CAV1: variants seen among roughly 807,000 people sequenced by gnomAD.
CAV1 encodes the protein caveolin-1.
Under a neutral mutation model 16.5 loss-of-function variants are expected in CAV1, and 10 were observed. The observed-to-expected ratio is 0.61, with a 90% CI of 0.37 to 1.03. CAV1 has a LOEUF of 1.03. CAV1 is among the 50% of genes least tolerant of loss of function. The probability of loss-of-function intolerance (pLI) is 0.01; values close to 1 mark genes in which losing one functional copy is unlikely to be tolerated. For missense variants in CAV1, 212 were observed against 232.8 expected, an observed-to-expected ratio of 0.91 and a Z score of 0.58; for synonymous variants, 76 against 85.1, an observed-to-expected ratio of 0.89 and a Z score of 0.59.
At chr7:116,546,948 G>T (rs1244561643) in intron 2 of CAV1, among the ~76,000 whole-genome samples, 3 of 152,148 alleles carry the variant, frequency 2.0e-5, no homozygotes, top group African/African-American at 7.2e-5. Context: ...GAAGCCTATA[G>T]GGAAGGCCTT....
Position 116,555,517 on chromosome 7 carries a change from A to AG in CAV1, c.196-3429_196-3428insG, listed in dbSNP as rs1794255544. Among the ~76,000 whole-genome samples, 5 of 11,254 alleles carry AG rather than the reference A, an allele frequency of 4.4e-4. 1 individual carries two copies. Among genetic ancestry groups the AG allele is most frequent in the Non-Finnish European group, 6.9e-4 (4 of 5,794 alleles). The allele number at this position is 11,254 out of a possible 152,430, so 7.4% of individuals were successfully genotyped here. On this transcript the variant is annotated intron_variant, in intron 2 of 2. Coordinates refer to ENST00000341049, the MANE Select transcript of CAV1 (RefSeq NM_001753.5). ...GAAAGAAAGAAAGAAAGAAAGAAAG[A>AG]AAGAGAGAGAGAGAGAGAGAGAGAG...
intron 2 of CAV1, among the ~76,000 whole-genome samples, chr7:116,530,314 C>T (rs1326327896): frequency 6.7e-6 from 1 of 149,940 alleles, no homozygotes; most frequent in Non-Finnish European, 1.5e-5. Flanking sequence ...TTTTCACTTC[C>T]CCCTTTTAAC....
intron 2 of CAV1, among the ~76,000 whole-genome samples, chr7:116,544,375 A>G (rs1035110944): frequency 6.6e-5 from 10 of 152,210 alleles, no homozygotes; most frequent in African/African-American, 2.4e-4. Flanking sequence ...TCACTAATTC[A>G]TTCATTTATT....
chr7:116,546,434 A>T (rs1794047614), intron 2 of CAV1, among the ~76,000 whole-genome samples: 1 of 152,104 alleles, frequency 6.6e-6, no homozygotes, highest in South Asian at 2.1e-4. Context: ...TCATGCCTGT[A>T]ATCCCAGCAA....
chr7:116,534,617 G>A (rs1793770188), intron 2 of CAV1, among the ~76,000 whole-genome samples: 1 of 150,932 alleles, frequency 6.6e-6, no homozygotes, highest in South Asian at 2.1e-4. Flanking sequence ...AGCCAGGATG[G>A]TCTCAATCTC....
intron 1 of CAV1, 39 bp downstream of exon 1, chr7:116,525,131 G>C: frequency 6.2e-7 from 1 of 1,614,158 alleles, no homozygotes; most frequent in Non-Finnish European, 8.5e-7. Flanking sequence ...GGGCGTGCGG[G>C]GAGTGTCCGC....
At chr7:116,541,505 C>T (rs1001118960) in intron 2 of CAV1, among the ~76,000 whole-genome samples, 1 of 152,268 alleles carries the variant, frequency 6.6e-6, no homozygotes, top group East Asian at 1.9e-4. Flanking sequence ...AATCCCAGCA[C>T]TTTGGGAGGC....
At chr7:116,555,476 G>GA (rs372872878) in intron 2 of CAV1, among the ~76,000 whole-genome samples, 5,957 of 36,162 alleles carry the variant, frequency 0.16, 2,101 homozygotes, top group East Asian at 0.23. Flanking sequence ...AGGAAGGAAG[G>GA]AGGAAAGAAA....
intron 2 of CAV1, among the ~76,000 whole-genome samples, chr7:116,553,616 G>A (rs375823058): frequency 3.9e-5 from 6 of 152,040 alleles, no homozygotes; most frequent in African/African-American, 1.4e-4. Flanking sequence ...GAAACTAATG[G>A]CACCTACACC....
At position 116,560,596 on chromosome 7, in the gene CAV1, A is replaced by G. The variant is rs1299654306; in HGVS notation, c.*1309A>G. 2 of 152,504 alleles carry G rather than the reference A, an allele frequency of 1.3e-5. No individual in the cohort carries two copies. Among genetic ancestry groups the G allele is most frequent in the Admixed American group, 6.5e-5 (1 of 15,282 alleles). The allele number at this position is 152,504 out of a possible 1,614,324, so 9.4% of individuals were successfully genotyped here. A position where few individuals can be genotyped will look rare whatever the true frequency, so the allele number is the denominator to read the frequency against. Reference sequence around the variant, plus strand: ...AAAAAGATTGAAGTATTTTGCTGGAATAAGTTCAAATTCTTCTGAACTCAA... The same window carrying G: ...AAAAAGATTGAAGTATTTTGCTGGAGTAAGTTCAAATTCTTCTGAACTCAA... On this transcript the variant is annotated 3_prime_UTR_variant, in exon 3 of 3. Transcript: ENST00000341049.
intron 2 of CAV1, among the ~76,000 whole-genome samples, chr7:116,536,044 G>A (rs759325581): frequency 1.4e-4 from 22 of 152,194 alleles, no homozygotes; most frequent in Non-Finnish European, 2.8e-4. Flanking sequence ...AAAAAGGTAA[G>A]TTGTGTCTAG....
chr7:116,559,535 G>C lies in CAV1; in HGVS notation c.*248G>C, dbSNP rs1584788606. ...TTCCTTACCTTTTTATTTGCATGTG[G>C]ATCAACCATCGCTTTATTGGCTGAG... On this transcript the variant is annotated 3_prime_UTR_variant, in exon 3 of 3. Coordinates refer to ENST00000341049, the MANE Select transcript of CAV1 (RefSeq NM_001753.5). 1.7e-6 allele frequency: 1 copy of C among 596,600 alleles called. No homozygotes were observed. Among genetic ancestry groups the C allele is most frequent in the African/African-American group, 1.9e-5 (1 of 53,518 alleles). 37.0% of individuals were successfully genotyped at this position (596,600 alleles called of 1,614,324 possible).
intron 2 of CAV1, 41 bp from the exon 3 acceptor site, chr7:116,558,905 C>A (rs749879068): frequency 1.4e-6 from 2 of 1,459,014 alleles, no homozygotes. Flanking sequence ...TTTCTCTTTT[C>A]TTCTATTCTG....
At chr7:116,536,730 G>A (rs571886896) in intron 2 of CAV1, among the ~76,000 whole-genome samples, 72 of 152,316 alleles carry the variant, frequency 4.7e-4, no homozygotes, top group African/African-American at 1.5e-3. Context: ...AAGGCCGGGC[G>A]CGGTGGCTCA....
At chr7:116,552,821 C>T (rs1794190395) in intron 2 of CAV1, among the ~76,000 whole-genome samples, 1 of 152,202 alleles carries the variant, frequency 6.6e-6, no homozygotes, top group Non-Finnish European at 1.5e-5. Context: ...ACCAATCACT[C>T]ACCAAGAAGA....
intron 1 of CAV1, 137 bp from the exon 2 acceptor site, chr7:116,526,388 G>T (rs998879466): frequency 2.3e-5 from 36 of 1,534,346 alleles, no homozygotes; most frequent in Non-Finnish European, 3.1e-5. Context: ...CTGTCGGAGC[G>T]GTTAGTTCGA....
chr7:116,557,562 A>C (rs1020243152), intron 2 of CAV1, among the ~76,000 whole-genome samples: 1 of 152,148 alleles, frequency 6.6e-6, no homozygotes, highest in African/African-American at 2.4e-5. Flanking sequence ...TTACAGAGGG[A>C]TAAAACTTCC....
At chr7:116,543,899 C>G (rs1793987898) in intron 2 of CAV1, among the ~76,000 whole-genome samples, 1 of 152,154 alleles carries the variant, frequency 6.6e-6, no homozygotes, top group African/African-American at 2.4e-5. Context: ...GGCAGAAACA[C>G]TGTTACTTAG....
chr7:116,526,744 G>C, intron 2 of CAV1, 55 bp downstream of exon 2: 1 of 1,604,998 alleles, frequency 6.2e-7, no homozygotes, highest in Non-Finnish European at 8.5e-7. Flanking sequence ...CTGGCAGTTA[G>C]CCCGTGCATC....
Sources: allele counts gnomAD v4.1 joint callset (sites outside exome capture counted in the v4.1 genomes callset), GRCh38; gene constraint gnomAD v4.1.1; transcripts MANE v1.5; gene names NCBI Gene and HGNC (gene_info 2026-07-23, HGNC 2026-07-21).